Variants in MYBL1 observed in about 807,000 individuals in gnomAD.
MYBL1 encodes MYB proto-oncogene like 1.
MYBL1 carries 17 observed loss-of-function variants against 96.3 expected under a neutral mutation model. The ratio of observed to expected loss-of-function variants is 0.18; its 90% CI spans 0.12 to 0.26. The LOEUF (loss-of-function observed/expected upper bound fraction) is 0.26, where lower values mean the gene tolerates loss of function less well. MYBL1 is among the 10% of genes least tolerant of loss of function. MYBL1 has a pLI of 1.00. For synonymous variants in MYBL1, 282 were observed against 292.7 expected (o/e 0.96, Z 0.37); for missense variants, 701 against 882.9 (o/e 0.79, Z 2.61).
intron 8 of MYBL1, among the ~76,000 whole-genome samples, chr8:66,588,471 G>A (rs1309536746): frequency 6.6e-6 from 1 of 151,726 alleles, no homozygotes; most frequent in Non-Finnish European, 1.5e-5. Context: ...GCAGAGACAG[G>A]GTTTCGCCAT....
intron 15 of MYBL1, 112 bp from the exon 16 acceptor site, chr8:66,564,937 A>ATTGT: frequency 3.3e-6 from 2 of 613,004 alleles, no homozygotes; most frequent in Non-Finnish European, 4.9e-6. Context: ...ATAAACAATA[A>ATTGT]TTATAAAAAT....
At chr8:66,584,650 G>C (rs1809342259) in intron 8 of MYBL1, among the ~76,000 whole-genome samples, 1 of 152,046 alleles carries the variant, frequency 6.6e-6, no homozygotes, top group Admixed American at 6.6e-5. Context: ...CTTGAGGTCA[G>C]GAGTTCAAGA....
chr8:66,584,399 G>C (rs1809333514), intron 8 of MYBL1, among the ~76,000 whole-genome samples: 1 of 152,132 alleles, frequency 6.6e-6, no homozygotes. Context: ...AAAAGAAAAG[G>C]CATCCAAAAT....
At chr8:66,573,606 TA>T in intron 10 of MYBL1, 100 bp from the exon 11 acceptor site, 2 of 1,044,492 alleles carry the variant, frequency 1.9e-6, no homozygotes, top group Admixed American at 3.2e-5. Context: ...TCATACCTCT[TA>T]AAAAAAGCTT....
At chr8:66,589,899 G>A (rs995351959) in intron 8 of MYBL1, among the ~76,000 whole-genome samples, 6 of 152,022 alleles carry the variant, frequency 3.9e-5, no homozygotes, top group Admixed American at 6.6e-5. Flanking sequence ...GGGAAATCTC[G>A]TCTCTACAAA....
chr8:66,575,872 G>T, intron 10 of MYBL1, 135 bp downstream of exon 10: 1 of 728,072 alleles, frequency 1.4e-6, no homozygotes. Flanking sequence ...TCAGAGTTCA[G>T]TATTCTCAAG....
intron 15 of MYBL1, chr8:66,565,472 T>C (rs1261223489): frequency 6.6e-6 from 1 of 151,438 alleles, no homozygotes; most frequent in Non-Finnish European, 1.5e-5. Flanking sequence ...GTTTTCAAGG[T>C]ATGCTTCAAT....
intron 8 of MYBL1, among the ~76,000 whole-genome samples, chr8:66,588,259 A>G (rs1809497868): frequency 6.6e-6 from 1 of 150,890 alleles, no homozygotes; most frequent in Non-Finnish European, 1.5e-5. Flanking sequence ...ACAATCAGAC[A>G]GACCTAAATG....
At chr8:66,575,072 C>T (rs142042955) in intron 10 of MYBL1, among the ~76,000 whole-genome samples, 1 of 151,522 alleles carries the variant, frequency 6.6e-6, no homozygotes, top group African/African-American at 2.4e-5. Flanking sequence ...AAAAAAAAAG[C>T]GTTTGGCAAA....
intron 15 of MYBL1, 115 bp downstream of exon 15, chr8:66,565,949 C>A (rs1348667534): frequency 1.3e-6 from 1 of 741,266 alleles, no homozygotes; most frequent in Non-Finnish European, 2.1e-6. Context: ...TGTTTAGTTA[C>A]TGTTACAATC....
At chr8:66,595,503 T>C in intron 6 of MYBL1, 80 bp downstream of exon 6, 1 of 812,432 alleles carries the variant, frequency 1.2e-6, no homozygotes, top group East Asian at 3.1e-5. Flanking sequence ...ATTGTATTTG[T>C]CCTATTAAGA....
Position 66,595,639 on chromosome 8 carries a change from G to C in MYBL1, c.631C>G (p.Pro211Ala), listed in dbSNP as rs1809821473. Residue 211 changes from proline (P) to alanine (A), a missense_variant, in exon 6 of 16, where the codon CCT (proline) becomes GCT (alanine). Physicochemically the swap from Pro to Ala is conservative, Grantham distance 27 (BLOSUM62 -1). Around this residue, in one of 5 missense-constraint regions of MYBL1, gnomAD observed 396 missense variants for 407.4 expected, o/e 0.97. Coordinates refer to ENST00000522677, the MANE Select transcript of MYBL1 (RefSeq NM_001080416.4). ...TGCATATGATCCATAGCTGCACAAGGTTTGTGTTGAAGTTTAGATGAAGAT... is the reference window on the plus strand; with the variant it reads ...TGCATATGATCCATAGCTGCACAAGCTTTGTGTTGAAGTTTAGATGAAGAT... Reference protein sequence around the residue: ...ERSSSKLQHKPCAAMDHMQTQ... With the variant: ...ERSSSKLQHKACAAMDHMQTQ... 16 of 1,593,182 alleles carry C rather than the reference G, an allele frequency of 1.0e-5. No homozygotes were observed. The highest frequency in any genetic ancestry group is 1.4e-5 in the Non-Finnish European group (16 of 1,168,690).
rs1240900053 is a variant in MYBL1, at chr8:66,566,909, T to C, written c.1812A>G (p.Glu604=). The change falls in exon 13 of 16, where the codon GAA becomes GAG. Residue 604 remains glutamate, a synonymous_variant. Coordinates refer to ENST00000522677, the MANE Select transcript of MYBL1 (RefSeq NM_001080416.4). ...TGCAGCTTTTGTAAGCAGGTTCATC[T>C]TCCTCTTTGAGGAATAGGTCTGTTC... The part of the protein sequence containing the change: ...ETGTDLFLKE[E]DEPAYKSCKQ... 1.2e-6 allele frequency: 2 copies of C among 1,613,100 alleles called. No homozygotes were observed. Among genetic ancestry groups the C allele is most frequent in the African/African-American group, 2.7e-5 (2 of 74,916 alleles).
At chr8:66,599,740 C>A (rs1202309680) in intron 3 of MYBL1, among the ~76,000 whole-genome samples, 1 of 151,648 alleles carries the variant, frequency 6.6e-6, no homozygotes, top group African/African-American at 2.4e-5. Flanking sequence ...GTGGAGGTTG[C>A]GGTGAGCCGA....
intron 8 of MYBL1, among the ~76,000 whole-genome samples, chr8:66,588,918 G>A (rs1376416757): frequency 1.3e-5 from 2 of 152,156 alleles, no homozygotes; most frequent in African/African-American, 4.8e-5. Context: ...TACTCAGGAG[G>A]CTGAAGCAGG....
intron 1 of MYBL1, among the ~76,000 whole-genome samples, chr8:66,607,310 C>T (rs1810357856): frequency 6.6e-6 from 1 of 152,106 alleles, no homozygotes; most frequent in African/African-American, 2.4e-5. Flanking sequence ...AAACACCACA[C>T]TGCAGCTTTC....
intron 8 of MYBL1, among the ~76,000 whole-genome samples, chr8:66,587,468 TTTTC>T (rs1420993024): frequency 2.0e-5 from 3 of 152,224 alleles, no homozygotes; most frequent in Non-Finnish European, 4.4e-5. Flanking sequence ...ACTATGTCAT[TTTTC>T]TTTATCTCTT....
intron 1 of MYBL1, among the ~76,000 whole-genome samples, chr8:66,603,925 T>A (rs1298778483): frequency 6.6e-6 from 1 of 151,594 alleles, no homozygotes; most frequent in Non-Finnish European, 1.5e-5. Flanking sequence ...ACCAATAGAC[T>A]TTGGGAGGCA....
chr8:66,613,161 C>T lies in MYBL1; in HGVS notation c.-323G>A. On this transcript the variant is annotated 5_prime_UTR_variant, in exon 1 of 16. Transcript: ENST00000522677. ...GTCAGCCTCCCTGCCCTGGCCCCAGCCCGGCTCCGCCACAGGCGCCCGACC... is the reference window on the plus strand; with the variant it reads ...GTCAGCCTCCCTGCCCTGGCCCCAGTCCGGCTCCGCCACAGGCGCCCGACC... 2 of 401,006 alleles carry T rather than the reference C, an allele frequency of 5.0e-6. No homozygotes were observed. The highest frequency in any genetic ancestry group is 8.8e-6 in the Non-Finnish European group (2 of 226,770). 24.8% of individuals were successfully genotyped at this position (401,006 alleles called of 1,614,324 possible). A position where few individuals can be genotyped will look rare whatever the true frequency, so the allele number is the denominator to read the frequency against.
Sources: gnomAD v4.1 joint callset for allele counts (sites outside exome capture counted in the v4.1 genomes callset) on GRCh38, gnomAD v4.1.1 for gene constraint, gnomAD v4.1.1 regional missense constraint, MANE v1.5 for transcripts, NCBI Gene and HGNC (gene_info 2026-07-23, HGNC 2026-07-21) for gene names.